The following IPO11 variants were observed in gnomAD, a reference collection of about 807,000 sequenced individuals.
The protein encoded by IPO11 is importin-11.
Under a neutral mutation model 143.2 loss-of-function variants are expected in IPO11, and 66 were observed. The observed-to-expected ratio is 0.46, with a 90% CI of 0.38 to 0.57. IPO11 has a LOEUF of 0.57. IPO11 is among the 20% of genes least tolerant of loss of function. The pLI is 0.00. For missense variants in IPO11, 1,026 were observed against 1,141.0 expected (o/e 0.90, Z 1.45); for synonymous variants, 385 against 377.8 (o/e 1.02, Z -0.22).
At chr5:62,536,070 C>T (rs945576061) in intron 22 of IPO11, among the ~76,000 whole-genome samples, 11 of 152,212 alleles carry the variant, frequency 7.2e-5, no homozygotes, top group South Asian at 4.2e-4. Context: ...CTGATAAAAA[C>T]TGAAAGATTG....
chr5:62,526,284 A>T, intron 21 of IPO11, 27 bp downstream of exon 21: 1 of 1,456,038 alleles, frequency 6.9e-7, no homozygotes, highest in East Asian at 2.3e-5. Context: ...AATACCATGG[A>T]TCTTATTTTA....
intron 1 of IPO11, among the ~76,000 whole-genome samples, chr5:62,434,192 G>A (rs962546202): frequency 1.3e-5 from 2 of 152,070 alleles, no homozygotes; most frequent in African/African-American, 2.4e-5. Context: ...TCTGCCTTCT[G>A]ATCCTTGCAT....
chr5:62,561,444 A>G (rs1050032280), intron 27 of IPO11, among the ~76,000 whole-genome samples, 187 bp downstream of exon 27: 3 of 151,638 alleles, frequency 2.0e-5, no homozygotes, highest in African/African-American at 4.8e-5. Flanking sequence ...TGGGATAGGT[A>G]CTGTTGGATT....
chr5:62,443,704 C>A (rs891516908), intron 3 of IPO11, among the ~76,000 whole-genome samples: 1 of 151,568 alleles, frequency 6.6e-6, no homozygotes, highest in Admixed American at 6.6e-5. Flanking sequence ...ATTTCTGAGT[C>A]TTATGCATTC....
rs761490559 is a variant in IPO11 at position 62,467,150 on chromosome 5, A to G, written c.536A>G (p.Asn179Ser). Residue 179 changes from asparagine (N) to serine (S), a missense_variant, in exon 6 of 30, where the codon AAT (asparagine) becomes AGT (serine). Asn to Ser is a conservative substitution (Grantham distance 46). This residue lies in a region of IPO11 where 429 missense variants were observed against 456.3 expected (regional missense o/e 0.94). Coordinates refer to ENST00000325324, the MANE Select transcript of IPO11 (RefSeq NM_016338.5). ...LFYDLASGIY[N>S]FACSLWNHHT... ...TTGCAGTTAGCTTCTGGAATTTATA[A>G]TTTTGCCTGCTCTCTGTGGAATCAC... 6.8e-6 allele frequency: 11 copies of G among 1,608,794 alleles called. No individual in the cohort carries two copies. The South Asian group carries it at 1.1e-4, about 16-fold the overall frequency.
At chr5:62,580,823 C>T (rs1176284738) in intron 27 of IPO11, 20 of 1,551,260 alleles carry the variant, frequency 1.3e-5, no homozygotes, top group East Asian at 4.9e-5. Context: ...CCTACTTCAC[C>T]TGCTGGTAGA....
At chr5:62,415,370 C>T (rs1230803995) in intron 1 of IPO11, among the ~76,000 whole-genome samples, 1 of 151,832 alleles carries the variant, frequency 6.6e-6, no homozygotes, top group Non-Finnish European at 1.5e-5. Flanking sequence ...CCATTTTGGC[C>T]AGACTGGTCT....
chr5:62,552,348 T>C (rs1385107993), intron 26 of IPO11, among the ~76,000 whole-genome samples: 1 of 152,068 alleles, frequency 6.6e-6, no homozygotes, highest in Non-Finnish European at 1.5e-5. Context: ...TTTTAAAATA[T>C]ATGTAGCTTT....
rs767630118 is a variant in IPO11, at chr5:62,443,032, T to C, written c.188T>C (p.Val63Ala). 6.2e-7 allele frequency: 1 copy of C among 1,612,870 alleles called. No homozygotes were observed. The highest frequency in any genetic ancestry group is 8.5e-7 in the Non-Finnish European group (1 of 1,179,360). The change falls in exon 3 of 30, where the codon GTA becomes GCA. Residue 63 changes from valine to alanine, a missense_variant. Transcript: ENST00000325324. ...GATATAAATGTAAGGTGGCTTGCTG[T>C]ACTGTATTTTAAACATGGAATTGAT... ...TLDINVRWLAVLYFKHGIDRY... is the reference protein window; with the variant it reads ...TLDINVRWLAALYFKHGIDRY...
chr5:62,438,085 A>G (rs1210160087), intron 2 of IPO11, among the ~76,000 whole-genome samples: 1 of 152,022 alleles, frequency 6.6e-6, no homozygotes, highest in Non-Finnish European at 1.5e-5. Flanking sequence ...TGGTCAGGGC[A>G]ACAAAGCTCC....
intron 16 of IPO11, among the ~76,000 whole-genome samples, chr5:62,500,446 G>A (rs1741309587): frequency 6.6e-6 from 1 of 152,072 alleles, no homozygotes; most frequent in Non-Finnish European, 1.5e-5. Flanking sequence ...TAACGTAGTT[G>A]CTTATTTTCA....
chr5:62,530,914 T>G (rs1742520810), intron 22 of IPO11, 129 bp downstream of exon 22: 1 of 671,796 alleles, frequency 1.5e-6, no homozygotes, highest in Non-Finnish European at 2.6e-6. Context: ...AGGGGATATA[T>G]GTACACGTTT....
rs577067851 is a variant in IPO11, at chr5:62,544,106, G to C, written c.2251-6261G>C. On this transcript the variant is annotated intron_variant, in intron 24 of 29. Coordinates refer to ENST00000325324, the MANE Select transcript of IPO11 (RefSeq NM_016338.5). Reference sequence around the variant, plus strand: ...GAATCCTCCCTAACTCATTTTATGAGGCCAACATCATCCTGATACCAAAGC... The same window carrying C: ...GAATCCTCCCTAACTCATTTTATGACGCCAACATCATCCTGATACCAAAGC... 8.7e-4 allele frequency among the ~76,000 whole-genome samples: 132 copies of C among 152,152 alleles called. 1 individual carries two copies. Among genetic ancestry groups the C allele is most frequent in the Admixed American group, 8.3e-3 (127 of 15,272 alleles).
intron 24 of IPO11, among the ~76,000 whole-genome samples, chr5:62,538,488 C>T (rs184201798): frequency 2.0e-4 from 30 of 152,256 alleles, no homozygotes; most frequent in Admixed American, 7.2e-4. Flanking sequence ...ATAGTGAGTC[C>T]TCACGAGATC....
In IPO11 at chr5:62,551,258, T is replaced by C. The variant is rs780434110; in HGVS notation, c.2382T>C (p.Val794=). ...TAGTGATGTCCACGTATCTTGGAGTTATGGGTCGAGTTCTACTACAAAACA... is the reference window on the plus strand; with the variant it reads ...TAGTGATGTCCACGTATCTTGGAGTCATGGGTCGAGTTCTACTACAAAACA... The part of the protein sequence containing the change: ...YPVVMSTYLG[V]MGRVLLQNTS... Residue 794 remains valine (V), a synonymous_variant, in exon 26 of 30, where the codon GTT becomes GTC. Coordinates refer to ENST00000325324, the MANE Select transcript of IPO11 (RefSeq NM_016338.5). 1.2e-6 allele frequency: 2 copies of C among 1,610,262 alleles called. No homozygotes were observed.
At chr5:62,601,628 T>C in intron 28 of IPO11, 136 bp from the exon 29 acceptor site, 1 of 426,908 alleles carries the variant, frequency 2.3e-6, no homozygotes, top group Non-Finnish European at 4.1e-6. Context: ...TTAAATTATC[T>C]AGTCTTTTTC....
chr5:62,564,084 TGTG>T (rs1300167048), intron 27 of IPO11, among the ~76,000 whole-genome samples: 1 of 152,182 alleles, frequency 6.6e-6, no homozygotes, highest in African/African-American at 2.4e-5. Context: ...TCTTGAATAA[TGTG>T]GTAGTAGAAT....
intron 9 of IPO11, among the ~76,000 whole-genome samples, chr5:62,481,406 T>C (rs1746205287): frequency 6.6e-6 from 1 of 152,180 alleles, no homozygotes; most frequent in Non-Finnish European, 1.5e-5. Context: ...TTGTCATAAA[T>C]AGCACTTTTT....
chr5:62,490,267 T>C (rs1371859699), intron 15 of IPO11, 47 bp downstream of exon 15: 1 of 1,249,986 alleles, frequency 8.0e-7, no homozygotes, highest in African/African-American at 1.6e-5. Flanking sequence ...TTACCTTATT[T>C]ATTTTATTAA....
Sources: allele counts gnomAD v4.1 joint callset (sites outside exome capture counted in the v4.1 genomes callset), GRCh38; gene constraint gnomAD v4.1.1; regional missense constraint gnomAD v4.1.1; transcripts MANE v1.5; gene names NCBI Gene and HGNC (gene_info 2026-07-23, HGNC 2026-07-21).